GPR39: variants seen among roughly 807,000 people sequenced by gnomAD.
GPR39 encodes the protein zinc sensing receptor.
In GPR39, 23 loss-of-function variants were observed where a neutral mutation model predicts 18.4. The observed-to-expected ratio is 1.25, with a 90% CI of 0.90 to 1.77. GPR39 has a LOEUF of 1.77. Ranked by LOEUF, GPR39 falls within the 40% of genes most tolerant of loss-of-function variation. The probability of loss-of-function intolerance (pLI) is 0.00; values close to 1 mark genes in which losing one functional copy is unlikely to be tolerated. For synonymous variants in GPR39, 280 were observed against 257.9 expected, an observed-to-expected ratio of 1.09 and a Z score of -0.82; for missense variants, 647 against 602.4, an observed-to-expected ratio of 1.07 and a Z score of -0.78.
intron 1 of GPR39, among the ~76,000 whole-genome samples, chr2:132,630,911 T>C (rs990976075): frequency 6.6e-6 from 1 of 152,182 alleles, no homozygotes; most frequent in Non-Finnish European, 1.5e-5. Flanking sequence ...TGATCATTAA[T>C]TCAGTTTGGA....
chr2:132,532,234 A>G (rs550262260), intron 1 of GPR39, among the ~76,000 whole-genome samples: 1 of 152,246 alleles, frequency 6.6e-6, no homozygotes, highest in Non-Finnish European at 1.5e-5. Flanking sequence ...CAAATAAACT[A>G]GAAAATCTAG....
intron 1 of GPR39, among the ~76,000 whole-genome samples, chr2:132,535,298 C>T (rs897519356): frequency 2.0e-5 from 3 of 152,102 alleles, no homozygotes; most frequent in African/African-American, 4.8e-5. Flanking sequence ...TTATCAAAGT[C>T]CTTTTCTGCA....
intron 1 of GPR39, among the ~76,000 whole-genome samples, chr2:132,522,635 C>T (rs1679445796): frequency 1.3e-5 from 2 of 152,138 alleles, no homozygotes; most frequent in African/African-American, 4.8e-5. Flanking sequence ...TGGGGGACAG[C>T]AAGATTGGGC....
intron 1 of GPR39, chr2:132,489,231 A>G: frequency 5.2e-6 from 1 of 191,186 alleles, no homozygotes; most frequent in Non-Finnish European, 1.1e-5. Context: ...TCTGTTTCTT[A>G]CGCTGAAATA....
At chr2:132,570,454 C>G (rs745558650) in intron 1 of GPR39, among the ~76,000 whole-genome samples, 6 of 152,118 alleles carry the variant, frequency 3.9e-5, no homozygotes, top group African/African-American at 1.2e-4. Context: ...AATTCCATAT[C>G]CCCCTCCTGC....
intron 1 of GPR39, among the ~76,000 whole-genome samples, chr2:132,427,309 G>A (rs1345380484): frequency 2.7e-5 from 4 of 148,046 alleles, no homozygotes; most frequent in East Asian, 4.0e-4. Context: ...GACTACAGGC[G>A]CCTGCCACCA....
At chr2:132,585,584 C>A (rs919759269) in intron 1 of GPR39, among the ~76,000 whole-genome samples, 1 of 152,236 alleles carries the variant, frequency 6.6e-6, no homozygotes, top group Non-Finnish European at 1.5e-5. Flanking sequence ...TTCGAACCGC[C>A]GGCGCGGCTC....
At chr2:132,631,818 C>T (rs1270862212) in intron 1 of GPR39, among the ~76,000 whole-genome samples, 7 of 149,740 alleles carry the variant, frequency 4.7e-5, no homozygotes, top group Non-Finnish European at 8.9e-5. Flanking sequence ...TTTTCTTCTT[C>T]TTCTTCTTTT....
At chr2:132,504,158 G>A (rs1219301126) in intron 1 of GPR39, among the ~76,000 whole-genome samples, 3 of 151,916 alleles carry the variant, frequency 2.0e-5, no homozygotes, top group South Asian at 2.1e-4. Context: ...TGGAGCAAAT[G>A]TTCACATTGT....
At chr2:132,542,041 A>G (rs1679869976) in intron 1 of GPR39, among the ~76,000 whole-genome samples, 1 of 152,108 alleles carries the variant, frequency 6.6e-6, no homozygotes, top group Non-Finnish European at 1.5e-5. Flanking sequence ...CACTAATCCC[A>G]TTCATGAAGC....
chr2:132,448,881 C>T (rs1680584594), intron 1 of GPR39, among the ~76,000 whole-genome samples: 1 of 152,196 alleles, frequency 6.6e-6, no homozygotes, highest in African/African-American at 2.4e-5. Flanking sequence ...TGTCCAGACA[C>T]TGCAGCCCCA....
At position 132,645,741 on chromosome 2, in the gene GPR39, C is replaced by A; in HGVS notation, c.*135C>A. 2 of 1,239,604 alleles carry A rather than the reference C, an allele frequency of 1.6e-6. No individual in the cohort carries two copies. The highest frequency in any genetic ancestry group is 2.4e-5 in the East Asian group (1 of 41,150). The allele number at this position is 1,239,604 out of a possible 1,614,324, so 76.8% of individuals were successfully genotyped here. ...GGAGGCTTTACAAAAGGCAGATGCC[C>A]ACCTCAGTGACTTCTAAGGACTGAC... On this transcript the variant is annotated 3_prime_UTR_variant, in exon 2 of 2. Transcript: ENST00000329321.
At chr2:132,495,698 T>C (rs945050658) in intron 1 of GPR39, among the ~76,000 whole-genome samples, 1 of 152,074 alleles carries the variant, frequency 6.6e-6, no homozygotes, top group Admixed American at 6.6e-5. Flanking sequence ...AGCTGGTGAG[T>C]GTTCCTCTGG....
At chr2:132,427,131 C>CATATAT (rs199931479) in intron 1 of GPR39, among the ~76,000 whole-genome samples, 2,082 of 80,274 alleles carry the variant, frequency 0.026, 55 homozygotes, top group Middle Eastern at 0.055. Flanking sequence ...TATATAGGTA[C>CATATAT]ATATATATAT....
intron 1 of GPR39, among the ~76,000 whole-genome samples, chr2:132,494,907 A>G (rs1396505451): frequency 1.3e-5 from 2 of 152,162 alleles, no homozygotes; most frequent in Non-Finnish European, 2.9e-5. Flanking sequence ...GGTAAATAGG[A>G]CTTGTGTGGA....
At chr2:132,524,189 G>A (rs1679470610) in intron 1 of GPR39, among the ~76,000 whole-genome samples, 3 of 152,218 alleles carry the variant, frequency 2.0e-5, no homozygotes, top group Non-Finnish European at 4.4e-5. Context: ...ATCTGATAGA[G>A]CAGCCAGAAC....
Position 132,645,221 on chromosome 2 carries a change from T to TCCC in GPR39, c.979_981dup (p.Pro327dup). On this transcript the variant is annotated inframe_insertion, in exon 2 of 2. Transcript: ENST00000329321. ...TACTTCCGGGCGTACATGATCCTCC[T>TCCC]CCCCTTCTCGGAGACGTTTTTCTAC... 1 of 1,614,114 alleles carries TCCC rather than the reference T, an allele frequency of 6.2e-7. No homozygotes were observed. The highest frequency in any genetic ancestry group is 1.1e-5 in the South Asian group (1 of 91,068).
At chr2:132,478,557 G>C (rs747452185) in intron 1 of GPR39, among the ~76,000 whole-genome samples, 4 of 152,176 alleles carry the variant, frequency 2.6e-5, no homozygotes, top group Non-Finnish European at 5.9e-5. Flanking sequence ...AAAGCTACCT[G>C]TCAAAGACAG....
chr2:132,608,940 G>A (rs1339651808), intron 1 of GPR39, among the ~76,000 whole-genome samples: 1 of 152,150 alleles, frequency 6.6e-6, no homozygotes, highest in Non-Finnish European at 1.5e-5. Context: ...CAGGAGACCT[G>A]CCAACATCAC....
Sources: allele counts gnomAD v4.1 joint callset (sites outside exome capture counted in the v4.1 genomes callset), GRCh38; gene constraint gnomAD v4.1.1; transcripts MANE v1.5; gene names NCBI Gene and HGNC (gene_info 2026-07-23, HGNC 2026-07-21).